Variants in CLEC16A observed in about 807,000 individuals in gnomAD.
The protein encoded by CLEC16A is protein CLEC16A.
CLEC16A carries 51 observed loss-of-function variants against 109.5 expected under a neutral mutation model. The ratio of observed to expected loss-of-function variants is 0.47; its 90% CI spans 0.37 to 0.59. The LOEUF (loss-of-function observed/expected upper bound fraction) is 0.59, where lower values mean the gene tolerates loss of function less well. Among genes scored for constraint, CLEC16A ranks in the 20% least tolerant of loss-of-function variants. CLEC16A has a pLI of 0.00. For synonymous variants in CLEC16A, 673 were observed against 564.2 expected (o/e 1.19, Z -2.73); for missense variants, 1,339 against 1,394.0 (o/e 0.96, Z 0.63).
At chr16:11,015,796 C>G (rs1375736753) in intron 11 of CLEC16A, among the ~76,000 whole-genome samples, 1 of 152,248 alleles carries the variant, frequency 6.6e-6, no homozygotes, top group Non-Finnish European at 1.5e-5. Context: ...GCCCTGTAAC[C>G]TTAGGAAGTA....
intron 2 of CLEC16A, among the ~76,000 whole-genome samples, chr16:10,959,606 G>T (rs1386749665): frequency 6.6e-6 from 1 of 152,024 alleles, no homozygotes; most frequent in African/African-American, 2.4e-5. Context: ...TGGCCAGGCT[G>T]GTCTCAAACT....
At chr16:10,971,328 G>A (rs1464070749) in intron 5 of CLEC16A, 98 bp downstream of exon 5, 31 of 936,014 alleles carry the variant, frequency 3.3e-5, no homozygotes, top group Non-Finnish European at 4.7e-5. Flanking sequence ...TTGTCACGAG[G>A]GAGCACATTG....
At chr16:11,143,073 A>G (rs541579387) in intron 22 of CLEC16A, among the ~76,000 whole-genome samples, 1 of 152,304 alleles carries the variant, frequency 6.6e-6, no homozygotes, top group East Asian at 1.9e-4. Context: ...TGGCCTCCCA[A>G]AGTGCAGGGA....
At chr16:11,121,735 C>T (rs886922870) in intron 20 of CLEC16A, among the ~76,000 whole-genome samples, 1 of 151,508 alleles carries the variant, frequency 6.6e-6, no homozygotes, top group South Asian at 2.1e-4. Flanking sequence ...CAAAAATTAG[C>T]CGGGCATGAT....
intron 22 of CLEC16A, among the ~76,000 whole-genome samples, chr16:11,140,752 C>T (rs1388610295): frequency 1.3e-5 from 2 of 152,220 alleles, no homozygotes; most frequent in African/African-American, 4.8e-5. Flanking sequence ...GTTGTTTAAA[C>T]TGTGCCACAG....
chr16:10,971,304 G>A lies in CLEC16A; in HGVS notation c.598+74G>A, dbSNP rs116481474. 1.5e-3 allele frequency: 1,571 copies of A among 1,082,474 alleles called. 12 individuals are homozygous for A. In the African/African-American group the frequency reaches 0.022, roughly 16 times the overall value. 67.1% of individuals were successfully genotyped at this position (1,082,474 alleles called of 1,614,324 possible). A position where few individuals can be genotyped will look rare whatever the true frequency, so the allele number is the denominator to read the frequency against. On this transcript the variant is annotated intron_variant, in intron 5 of 23. Transcript: ENST00000409790. Reference sequence around the variant, plus strand: ...CAAGCACTCACTCCCGTGTGTGTGCGTACAGTTCTCCGATTGTCACGAGGG... The same window carrying A: ...CAAGCACTCACTCCCGTGTGTGTGCATACAGTTCTCCGATTGTCACGAGGG...
chr16:10,981,662 AT>A (rs543943774), intron 9 of CLEC16A, among the ~76,000 whole-genome samples: 110 of 152,230 alleles, frequency 7.2e-4, no homozygotes, highest in African/African-American at 2.4e-3. Flanking sequence ...TTAAAAAATA[AT>A]TTTTTTTAAA....
intron 19 of CLEC16A, among the ~76,000 whole-genome samples, chr16:11,109,247 C>G (rs934108248): frequency 1.3e-5 from 2 of 151,430 alleles, no homozygotes; most frequent in Non-Finnish European, 2.9e-5. Flanking sequence ...CCCAGTGCAA[C>G]CTGGAACTCC....
At chr16:11,137,419 G>T (rs1173914204) in intron 22 of CLEC16A, among the ~76,000 whole-genome samples, 1 of 151,820 alleles carries the variant, frequency 6.6e-6, no homozygotes, top group Non-Finnish European at 1.5e-5. Flanking sequence ...AACAAGGTTT[G>T]GGAACCACTT....
chr16:11,160,444 A>G (rs1813975074), intron 22 of CLEC16A, among the ~76,000 whole-genome samples: 1 of 152,146 alleles, frequency 6.6e-6, no homozygotes, highest in Admixed American at 6.5e-5. Context: ...CTTGCACCAC[A>G]TGGGAAAGAG....
chr16:11,038,445 G>A (rs371385547), intron 13 of CLEC16A, among the ~76,000 whole-genome samples: 6 of 152,152 alleles, frequency 3.9e-5, no homozygotes, highest in East Asian at 1.9e-4. Flanking sequence ...GAAGAGCCAC[G>A]TCAGTTGAGC....
chr16:11,153,990 C>T (rs80207443), intron 22 of CLEC16A, among the ~76,000 whole-genome samples: 3,764 of 152,274 alleles, frequency 0.025, 60 homozygotes, highest in Middle Eastern at 0.041. Context: ...AAGTGCCAAC[C>T]TTATTTCTAA....
chr16:11,143,191 T>C (rs775798139), intron 22 of CLEC16A, among the ~76,000 whole-genome samples: 1 of 152,208 alleles, frequency 6.6e-6, no homozygotes, highest in Non-Finnish European at 1.5e-5. Context: ...GCTTGCAGTC[T>C]TGTGAGAGTG....
intron 6 of CLEC16A, 79 bp downstream of exon 6, chr16:10,972,638 C>T: frequency 7.5e-7 from 1 of 1,341,696 alleles, no homozygotes; most frequent in Non-Finnish European, 1.1e-6. Flanking sequence ...TGGTGTAATT[C>T]TCAGTGTAGT....
rs997167294 is a variant in CLEC16A at position 10,968,543 on chromosome 16, T to C, written c.344-618T>C. On this transcript the variant is annotated intron_variant, in intron 3 of 23. Transcript: ENST00000409790. ...ACATCAGACCTAAGTTTGAATCCCT[T>C]CTCTGTGACTGTCTCTGTGCACGGG... Among the ~76,000 whole-genome samples the C allele has an allele frequency of 3.3e-5, 5 of 152,170 alleles. No homozygotes were observed. In the East Asian group the frequency reaches 9.6e-4, roughly 29 times the overall value.
chr16:11,018,345 C>G (rs1033570144), intron 11 of CLEC16A, among the ~76,000 whole-genome samples: 1 of 151,000 alleles, frequency 6.6e-6, no homozygotes, highest in Non-Finnish European at 1.5e-5. Context: ...TCCGTGGAGG[C>G]GACATGTGAA....
chr16:11,030,916 G>A (rs1029735965), intron 13 of CLEC16A, among the ~76,000 whole-genome samples: 2 of 152,188 alleles, frequency 1.3e-5, no homozygotes, highest in Non-Finnish European at 2.9e-5. Context: ...AGTTCTTTAT[G>A]TATTTTGAAT....
In CLEC16A at chr16:11,178,812, C is replaced by T. The variant is rs2068868107; in HGVS notation, c.*122C>T. 2.8e-6 allele frequency: 2 copies of T among 705,704 alleles called. No individual in the cohort carries two copies. The highest frequency in any genetic ancestry group is 1.8e-5 in the African/African-American group (1 of 55,812). 43.7% of individuals were successfully genotyped at this position (705,704 alleles called of 1,614,324 possible). Reference sequence around the variant, plus strand: ...TGCGGCCCCCAGCAGCCATCTCAACCACCTATCCCTGCGCTCCCTTGAATG... The same window carrying T: ...TGCGGCCCCCAGCAGCCATCTCAACTACCTATCCCTGCGCTCCCTTGAATG... On this transcript the variant is annotated 3_prime_UTR_variant, in exon 24 of 24. Transcript: ENST00000409790. This position sits in a 1 kb window ranked among gnomAD's most constrained non-coding sequence, Gnocchi z 6.5.
chr16:11,148,860 G>A (rs1028701832), intron 22 of CLEC16A, among the ~76,000 whole-genome samples: 14 of 152,258 alleles, frequency 9.2e-5, no homozygotes, highest in Non-Finnish European at 1.5e-4. Context: ...TTCAGCTCAG[G>A]CCCAGAAGAG....
Sources: allele counts gnomAD v4.1 joint callset (sites outside exome capture counted in the v4.1 genomes callset), GRCh38; gene constraint gnomAD v4.1.1; non-coding constraint Gnocchi (gnomAD v3.1); transcripts MANE v1.5; gene names NCBI Gene and HGNC (gene_info 2026-07-23, HGNC 2026-07-21).